The following HPSE2 variants were observed in gnomAD, a reference collection of about 807,000 sequenced individuals.
HPSE2 encodes the protein heparanase 2 (inactive).
Under a neutral mutation model 60.5 loss-of-function variants are expected in HPSE2, and 38 were observed. The ratio of observed to expected loss-of-function variants is 0.63; its 90% CI spans 0.48 to 0.82. HPSE2 has a LOEUF of 0.82. Among genes scored for constraint, HPSE2 ranks in the 40% least tolerant of loss-of-function variants. The pLI, the probability that HPSE2 is intolerant of heterozygous loss-of-function variation, is 0.00. For synonymous variants in HPSE2, 295 were observed against 293.2 expected (o/e 1.01, Z -0.06); for missense variants, 713 against 740.4 (o/e 0.96, Z 0.43).
At chr10:98,923,328 T>C (rs946220220) in intron 3 of HPSE2, among the ~76,000 whole-genome samples, 1 of 152,196 alleles carries the variant, frequency 6.6e-6, no homozygotes, top group Non-Finnish European at 1.5e-5. Flanking sequence ...TCTTTCTTTA[T>C]CCTTGGCCAC....
chr10:98,503,253 G>C (rs1006761044), intron 9 of HPSE2, among the ~76,000 whole-genome samples: 1 of 150,604 alleles, frequency 6.6e-6, no homozygotes. Flanking sequence ...AAAAAAAAGA[G>C]TAAAAGAAAA....
At chr10:98,737,275 T>C (rs967296513) in intron 4 of HPSE2, among the ~76,000 whole-genome samples, 1 of 141,594 alleles carries the variant, frequency 7.1e-6, no homozygotes, top group African/African-American at 2.5e-5. Flanking sequence ...CATTTATATA[T>C]TAAACATAAA....
chr10:98,824,857 G>C (rs1360022727), intron 3 of HPSE2, among the ~76,000 whole-genome samples: 2 of 152,138 alleles, frequency 1.3e-5, no homozygotes, highest in African/African-American at 2.4e-5. Flanking sequence ...CACTTAGCAG[G>C]CTTCATTGCA....
chr10:98,884,108 C>T (rs1032536951), intron 3 of HPSE2, among the ~76,000 whole-genome samples: 3 of 152,124 alleles, frequency 2.0e-5, no homozygotes, highest in African/African-American at 4.8e-5. Flanking sequence ...ATAGGTCAAA[C>T]CAGCCACAGA....
chr10:99,282,694 A>G, the HPSE2 span, among the ~76,000 whole-genome samples: 1 of 152,246 alleles, frequency 6.6e-6, no homozygotes, highest in Non-Finnish European at 1.5e-5. Flanking sequence ...CAAGAAAACA[A>G]CTAAAGGAAA....
intron 3 of HPSE2, among the ~76,000 whole-genome samples, chr10:98,744,813 TG>T (rs1306295050): frequency 6.6e-6 from 1 of 152,198 alleles, no homozygotes; most frequent in African/African-American, 2.4e-5. Context: ...TGGTGAGTCT[TG>T]GAAAATAGCT....
intron 3 of HPSE2, among the ~76,000 whole-genome samples, chr10:98,954,087 C>T (rs1482169661): frequency 2.6e-5 from 4 of 152,162 alleles, no homozygotes; most frequent in African/African-American, 9.6e-5. Flanking sequence ...AGGTGGATCA[C>T]AAGGTCAGGA....
chr10:98,676,432 C>T (rs1947643963), intron 6 of HPSE2, among the ~76,000 whole-genome samples: 2 of 152,144 alleles, frequency 1.3e-5, no homozygotes, highest in Admixed American at 6.6e-5. Flanking sequence ...AATACTGTTC[C>T]CTTTTGGAGA....
At chr10:98,887,891 A>G (rs550961058) in intron 3 of HPSE2, among the ~76,000 whole-genome samples, 10 of 150,006 alleles carry the variant, frequency 6.7e-5, no homozygotes, top group Admixed American at 2.7e-4. Context: ...AATAAGGTAC[A>G]GTTGTATACA....
At chr10:99,074,268 G>A (rs533200694) in intron 3 of HPSE2, among the ~76,000 whole-genome samples, 28 of 152,148 alleles carry the variant, frequency 1.8e-4, no homozygotes, top group East Asian at 3.9e-4. Flanking sequence ...TCATAAAAGC[G>A]TGTTGAATTT....
chr10:99,014,191 T>G (rs1370087524), intron 3 of HPSE2, among the ~76,000 whole-genome samples: 1 of 152,226 alleles, frequency 6.6e-6, no homozygotes, highest in Non-Finnish European at 1.5e-5. Flanking sequence ...CCAAGTTGTC[T>G]GCAACGAGCC....
At chr10:98,708,396 C>A (rs1022685499) in intron 5 of HPSE2, among the ~76,000 whole-genome samples, 6 of 149,232 alleles carry the variant, frequency 4.0e-5, no homozygotes, top group African/African-American at 2.5e-5. Context: ...GCAGAGCTTG[C>A]AGTGAGCCGA....
At chr10:98,581,413 G>A (rs1338145466) in intron 9 of HPSE2, among the ~76,000 whole-genome samples, 3 of 152,008 alleles carry the variant, frequency 2.0e-5, no homozygotes, top group Non-Finnish European at 2.9e-5. Flanking sequence ...GCCTCTATAA[G>A]TCAGAGATTT....
chr10:99,051,237 C>T (rs1315519688), intron 3 of HPSE2, among the ~76,000 whole-genome samples: 4 of 152,090 alleles, frequency 2.6e-5, no homozygotes, highest in African/African-American at 7.2e-5. Flanking sequence ...GAGCCGAGAT[C>T]GCGCCACTGC....
At chr10:98,752,665 T>A (rs1004488898) in intron 3 of HPSE2, among the ~76,000 whole-genome samples, 25 of 152,144 alleles carry the variant, frequency 1.6e-4, no homozygotes, top group African/African-American at 5.8e-4. Flanking sequence ...AGGACATCAG[T>A]ATTAATATTC....
intron 3 of HPSE2, among the ~76,000 whole-genome samples, chr10:98,745,227 G>T (rs1251034513): frequency 1.3e-5 from 2 of 152,200 alleles, no homozygotes; most frequent in African/African-American, 4.8e-5. Context: ...ATAAAAAAAA[G>T]AAATATGTTC....
chr10:98,534,122 A>G (rs746097149), intron 9 of HPSE2, among the ~76,000 whole-genome samples: 1 of 152,194 alleles, frequency 6.6e-6, no homozygotes. Flanking sequence ...ACTGGCAAAA[A>G]CCATGATATG....
intron 3 of HPSE2, among the ~76,000 whole-genome samples, chr10:99,046,162 C>T (rs1957849695): frequency 6.6e-6 from 1 of 152,110 alleles, no homozygotes; most frequent in Non-Finnish European, 1.5e-5. Context: ...TCCTTGGATG[C>T]AAGGCTGGTT....
intron 3 of HPSE2, among the ~76,000 whole-genome samples, chr10:98,812,217 A>T (rs1364444092): frequency 6.6e-6 from 1 of 152,158 alleles, no homozygotes; most frequent in African/African-American, 2.4e-5. Context: ...CTCCATCCTC[A>T]ATCCACAAAG....
Sources: allele counts gnomAD v4.1 joint callset (sites outside exome capture counted in the v4.1 genomes callset), GRCh38; gene constraint gnomAD v4.1.1; transcripts MANE v1.5; gene names NCBI Gene and HGNC (gene_info 2026-07-23, HGNC 2026-07-21).